LRRIQ1: variants seen among roughly 807,000 people sequenced by gnomAD.
The protein encoded by LRRIQ1 is leucine-rich repeat- and IQ domain-containing protein 1.
In LRRIQ1, 210 loss-of-function variants were observed where a neutral mutation model predicts 211.9. The observed-to-expected ratio is 0.99, with a 90% CI of 0.89 to 1.11. The LOEUF (loss-of-function observed/expected upper bound fraction) is 1.11. LRRIQ1 is among the 50% of genes most tolerant of loss of function. The probability of loss-of-function intolerance (pLI) is 0.00; values close to 1 mark genes in which losing one functional copy is unlikely to be tolerated. For missense variants in LRRIQ1, 2,136 were observed against 1,939.5 expected, an observed-to-expected ratio of 1.10 and a Z score of -1.90; for synonymous variants, 699 against 650.1, an observed-to-expected ratio of 1.08 and a Z score of -1.14.
rs115421704 is a variant in LRRIQ1 at position 85,260,170 on chromosome 12, C to G, written c.122-2745C>G. On this transcript the variant is annotated intron_variant, in intron 1 of 1. Transcript: ENST00000602731. Reference sequence around the variant, plus strand: ...AAAAAAGCTTATATTAAGAATAAAACCCTTTGCATGCCTTTAGTCCCGGCT... The same window carrying G: ...AAAAAAGCTTATATTAAGAATAAAAGCCTTTGCATGCCTTTAGTCCCGGCT... Among the ~76,000 whole-genome samples, 1,009 of 135,866 alleles carry G rather than the reference C, an allele frequency of 7.4e-3. 7 individuals carry two copies. Among genetic ancestry groups the G allele is most frequent in the African/African-American group, 0.026 (965 of 36,644 alleles). The allele number at this position is 135,866 out of a possible 152,430, so 89.1% of individuals were successfully genotyped here.
At chr12:85,254,669 A>G (rs920542229) in intron 1 of LRRIQ1, among the ~76,000 whole-genome samples, 2 of 152,100 alleles carry the variant, frequency 1.3e-5, no homozygotes, top group African/African-American at 4.8e-5. Context: ...TCAAATAGTT[A>G]TATATTTCTG....
At chr12:85,036,518 G>C (rs1307033442) in intron 1 of LRRIQ1, 111 bp downstream of exon 1, 1 of 152,322 alleles carries the variant, frequency 6.6e-6, no homozygotes, top group African/African-American at 2.4e-5. Context: ...CAAAGGGAGA[G>C]ACCGCGGGTC....
intron 26 of LRRIQ1, among the ~76,000 whole-genome samples, chr12:85,241,904 T>A (rs541553552): frequency 1.3e-5 from 2 of 151,986 alleles, no homozygotes; most frequent in Non-Finnish European, 2.9e-5. Flanking sequence ...AATCTCTTTT[T>A]TAATTAAGTT....
chr12:85,081,554 C>G (rs1029528676), intron 11 of LRRIQ1, among the ~76,000 whole-genome samples: 2 of 151,406 alleles, frequency 1.3e-5, no homozygotes, highest in Non-Finnish European at 1.5e-5. Context: ...CTTAATTTAT[C>G]TCAAATTAAT....
chr12:85,198,056 A>C (rs1197294359), intron 24 of LRRIQ1, among the ~76,000 whole-genome samples: 1 of 43,164 alleles, frequency 2.3e-5, no homozygotes, highest in Non-Finnish European at 3.5e-5. Context: ...TTATATAATT[A>C]TATATAACAT....
intron 22 of LRRIQ1, 42 bp from the exon 23 acceptor site, chr12:85,153,970 C>G (rs748948869): frequency 1.6e-6 from 2 of 1,277,494 alleles, no homozygotes; most frequent in African/African-American, 1.6e-5. Flanking sequence ...AAATATGATC[C>G]GGGTATTTGT....
At position 85,228,876 on chromosome 12, in the gene LRRIQ1, C is replaced by A. The variant is rs560019150; in HGVS notation, c.4823-641C>A. On this transcript the variant is annotated intron_variant, in intron 24 of 26. Transcript: ENST00000393217. ...CTACAGAATTGTTCTGAGTTGATTACTGCGATTTAGGTTTTAAGAGGTGTC... is the reference window on the plus strand; with the variant it reads ...CTACAGAATTGTTCTGAGTTGATTAATGCGATTTAGGTTTTAAGAGGTGTC... Among the ~76,000 whole-genome samples, 3 of 152,178 alleles carry A rather than the reference C, an allele frequency of 2.0e-5. No homozygotes were observed. The South Asian group carries it at 6.2e-4, about 32-fold the overall frequency.
intron 18 of LRRIQ1, among the ~76,000 whole-genome samples, 166 bp downstream of exon 18, chr12:85,128,199 G>A (rs372039185): frequency 8.5e-5 from 13 of 152,128 alleles, no homozygotes; most frequent in East Asian, 7.7e-4. Flanking sequence ...GGTTAGCTGC[G>A]GGTTGGCTGT....
chr12:85,228,601 A>G (rs1894783096), intron 24 of LRRIQ1, among the ~76,000 whole-genome samples: 1 of 152,222 alleles, frequency 6.6e-6, no homozygotes, highest in Non-Finnish European at 1.5e-5. Context: ...TTCACTAATT[A>G]CAACAGTAAC....
At chr12:85,207,520 A>G (rs1470395434) in intron 24 of LRRIQ1, among the ~76,000 whole-genome samples, 1 of 152,092 alleles carries the variant, frequency 6.6e-6, no homozygotes, top group Non-Finnish European at 1.5e-5. Context: ...AGCATTTTTA[A>G]TTTTAATGAA....
At chr12:85,207,623 C>T (rs149868675) in intron 24 of LRRIQ1, among the ~76,000 whole-genome samples, 4 of 152,072 alleles carry the variant, frequency 2.6e-5, no homozygotes, top group Admixed American at 6.5e-5. Flanking sequence ...AGATTTTGTC[C>T]TGTGTTATCT....
chr12:85,214,092 T>C (rs540953200), intron 24 of LRRIQ1, among the ~76,000 whole-genome samples: 1 of 151,962 alleles, frequency 6.6e-6, no homozygotes, highest in South Asian at 2.1e-4. Flanking sequence ...TTAAACTAAC[T>C]CTATGAATAA....
chr12:85,270,466 C>T, the LRRIQ1 span, among the ~76,000 whole-genome samples: 1 of 152,044 alleles, frequency 6.6e-6, no homozygotes, highest in East Asian at 1.9e-4. Context: ...CAGGACCTAG[C>T]AACTTCACAG....
chr12:85,078,521 C>G (rs573374575), intron 11 of LRRIQ1, among the ~76,000 whole-genome samples: 62 of 152,160 alleles, frequency 4.1e-4, no homozygotes, highest in Non-Finnish European at 7.8e-4. Context: ...TTAGCAATGA[C>G]TTCATGATTA....
chr12:85,038,456 GTCACCTATACATCTTC>G, intron 2 of LRRIQ1, 148 bp downstream of exon 2: 1 of 386,894 alleles, frequency 2.6e-6, no homozygotes, highest in Non-Finnish European at 4.0e-6. Context: ...AATATATATA[GTCACCTATACATCTTC>G]GTAAAATTGG....
intron 19 of LRRIQ1, among the ~76,000 whole-genome samples, chr12:85,144,044 T>C (rs1889722654): frequency 6.6e-6 from 1 of 151,522 alleles, no homozygotes; most frequent in Non-Finnish European, 1.5e-5. Flanking sequence ...GACAACTAGT[T>C]TATTGATCCT....
chr12:85,104,623 T>A (rs1886640291), intron 14 of LRRIQ1, among the ~76,000 whole-genome samples: 1 of 151,940 alleles, frequency 6.6e-6, no homozygotes, highest in Non-Finnish European at 1.5e-5. Context: ...TTTATATATT[T>A]ATTAAATATA....
chr12:85,068,065 T>A (rs998888987), intron 10 of LRRIQ1, among the ~76,000 whole-genome samples: 1 of 151,946 alleles, frequency 6.6e-6, no homozygotes, highest in African/African-American at 2.4e-5. Flanking sequence ...TCTTCTATTG[T>A]TTTTTATTAT....
chr12:85,252,349 C>A (rs1197556998), intron 1 of LRRIQ1, among the ~76,000 whole-genome samples: 1 of 151,780 alleles, frequency 6.6e-6, no homozygotes, highest in Non-Finnish European at 1.5e-5. Context: ...TAATCCATAG[C>A]TAGATGCTTA....
Sources: allele counts gnomAD v4.1 joint callset (sites outside exome capture counted in the v4.1 genomes callset), GRCh38; gene constraint gnomAD v4.1.1; transcripts MANE v1.5; gene names NCBI Gene and HGNC (gene_info 2026-07-23, HGNC 2026-07-21).